WDFY3: variants seen among roughly 807,000 people sequenced by gnomAD.
WDFY3 encodes WD repeat and FYVE domain containing 3, also known as WD repeat and FYVE domain-containing protein 3.
A neutral mutation model predicts 409.6 loss-of-function variants in WDFY3; 66 were observed. The observed-to-expected ratio is 0.16, with a 90% CI of 0.13 to 0.20. The LOEUF is 0.20. WDFY3 is among the 10% of genes least tolerant of loss of function. The pLI is 1.00. For synonymous variants in WDFY3, 1,521 were observed against 1,537.1 expected (o/e 0.99, Z 0.25); for missense variants, 3,031 against 4,298.1 (o/e 0.71, Z 8.24).
chr4:84,901,398 A>G (rs1766323341), intron 2 of WDFY3, among the ~76,000 whole-genome samples: 1 of 151,962 alleles, frequency 6.6e-6, no homozygotes, highest in Non-Finnish European at 1.5e-5. Context: ...AGAAAGAGAG[A>G]CCTGAGTTAG....
rs1405382422 is a variant in WDFY3 at position 84,735,758 on chromosome 4, A to C, written c.6915+412T>G. Among the ~76,000 whole-genome samples, 3 of 152,220 alleles carry C rather than the reference A, an allele frequency of 2.0e-5. No homozygotes were observed. The East Asian group carries it at 5.8e-4, about 29-fold the overall frequency. ...CTGGGATGGTGAAGGAAGTAGGATG[A>C]GGAAGAAGTTAATGCTGGAGGCAGA... is the stretch of plus-strand genomic sequence containing the variant. On this transcript the variant is annotated intron_variant, in intron 42 of 67. Transcript: ENST00000295888.
At chr4:84,751,380 A>G (rs1740488894) in intron 36 of WDFY3, 103 bp downstream of exon 36, 5 of 1,215,616 alleles carry the variant, frequency 4.1e-6, no homozygotes, top group African/African-American at 1.5e-5. Flanking sequence ...CTACACATAA[A>G]CAAGAGGAAT....
At chr4:84,783,313 C>T (rs948390398) in intron 24 of WDFY3, among the ~76,000 whole-genome samples, 11 of 152,088 alleles carry the variant, frequency 7.2e-5, no homozygotes, top group African/African-American at 2.4e-4. Context: ...GGAAACATGG[C>T]GAGACCCCCA....
intron 56 of WDFY3, among the ~76,000 whole-genome samples, chr4:84,700,399 T>C (rs1730888640): frequency 6.6e-6 from 1 of 152,180 alleles, no homozygotes; most frequent in Non-Finnish European, 1.5e-5. Context: ...AGATGAGGTT[T>C]TGCCATGTTG....
chr4:84,966,610 T>C lies in WDFY3; in HGVS notation c.-627A>G, dbSNP rs1248359641. Among the ~76,000 whole-genome samples, 2 of 152,054 alleles carry C rather than the reference T, an allele frequency of 1.3e-5. No homozygotes were observed. The highest frequency in any genetic ancestry group is 2.0e-4 in the East Asian group (1 of 5,128). On this transcript the variant is annotated 5_prime_UTR_variant, in exon 1 of 68. Coordinates refer to ENST00000295888, the MANE Select transcript of WDFY3 (RefSeq NM_014991.6). ...GGGACCATCCCGGAAAGTGAGGGGTTGTTGCCGTTTCCCGCAGCTGTTGGT... is the reference window on the plus strand; with the variant it reads ...GGGACCATCCCGGAAAGTGAGGGGTCGTTGCCGTTTCCCGCAGCTGTTGGT...
intron 64 of WDFY3, among the ~76,000 whole-genome samples, chr4:84,681,973 T>C (rs1327542734): frequency 6.6e-6 from 1 of 152,240 alleles, no homozygotes; most frequent in Admixed American, 6.5e-5. Context: ...AACACAATTG[T>C]ATCTGTTGTC....
chr4:84,737,411 C>A, intron 40 of WDFY3, 45 bp from the exon 41 acceptor site: 1 of 1,510,074 alleles, frequency 6.6e-7, no homozygotes, highest in South Asian at 1.4e-5. Context: ...AGCAAATGAT[C>A]AAAACACAGT....
At chr4:84,944,352 C>T (rs775954139) in intron 1 of WDFY3, among the ~76,000 whole-genome samples, 14 of 151,340 alleles carry the variant, frequency 9.3e-5, no homozygotes, top group South Asian at 2.1e-4. Flanking sequence ...CCATTCTCTA[C>T]GAAAAAAATT....
intron 1 of WDFY3, chr4:84,965,560 A>G (rs1444813541): frequency 6.6e-6 from 1 of 152,250 alleles, no homozygotes; most frequent in African/African-American, 2.4e-5. Flanking sequence ...GAAAGGTCTC[A>G]TCTGCTTCTT....
At chr4:84,859,854 C>T (rs1371803833) in intron 4 of WDFY3, among the ~76,000 whole-genome samples, 3 of 152,118 alleles carry the variant, frequency 2.0e-5, no homozygotes, top group African/African-American at 7.2e-5. Context: ...GGATTACAGG[C>T]GTGAGCCACC....
At chr4:84,707,572 T>C (rs1732178247) in intron 53 of WDFY3, among the ~76,000 whole-genome samples, 1 of 152,196 alleles carries the variant, frequency 6.6e-6, no homozygotes, top group African/African-American at 2.4e-5. Flanking sequence ...GAAGGTTCAG[T>C]AATGGGACCT....
intron 46 of WDFY3, among the ~76,000 whole-genome samples, chr4:84,723,097 ACT>A (rs1171510553): frequency 6.6e-6 from 1 of 152,132 alleles, no homozygotes; most frequent in Non-Finnish European, 1.5e-5. Context: ...AATCTATCAA[ACT>A]CTGTGAATTA....
intron 14 of WDFY3, among the ~76,000 whole-genome samples, 184 bp from the exon 15 acceptor site, chr4:84,808,601 C>T (rs1043890393): frequency 5.9e-5 from 9 of 152,178 alleles, no homozygotes; most frequent in South Asian, 2.1e-4. Flanking sequence ...AGCATGCTCA[C>T]GGCAGATGCT....
intron 3 of WDFY3, among the ~76,000 whole-genome samples, chr4:84,869,716 T>C (rs1345261717): frequency 6.6e-6 from 1 of 151,674 alleles, no homozygotes; most frequent in Non-Finnish European, 1.5e-5. Context: ...AGGCAAAAAA[T>C]ATTTGCAGCC....
chr4:84,915,015 C>T (rs1387958272), intron 2 of WDFY3, among the ~76,000 whole-genome samples: 2 of 152,132 alleles, frequency 1.3e-5, no homozygotes, highest in Non-Finnish European at 2.9e-5. Context: ...AATTCTGATA[C>T]ACGCAACAAC....
At chr4:84,712,450 G>A (rs1461311588) in intron 51 of WDFY3, among the ~76,000 whole-genome samples, 2 of 150,326 alleles carry the variant, frequency 1.3e-5, no homozygotes, top group Admixed American at 6.6e-5. Flanking sequence ...GCCAGGCACA[G>A]TGGCTCACGC....
intron 3 of WDFY3, among the ~76,000 whole-genome samples, chr4:84,883,117 T>C (rs190214127): frequency 5.7e-4 from 86 of 152,098 alleles, no homozygotes; most frequent in African/African-American, 1.3e-3. Flanking sequence ...AGTGGAGGGG[T>C]AGACGAAAAG....
intron 32 of WDFY3, among the ~76,000 whole-genome samples, chr4:84,764,547 A>G (rs2149382176): frequency 6.6e-6 from 1 of 152,250 alleles, no homozygotes; most frequent in Non-Finnish European, 1.5e-5. Flanking sequence ...ATAACAATAC[A>G]ATAGTACTAT....
intron 3 of WDFY3, among the ~76,000 whole-genome samples, chr4:84,872,501 G>T (rs759029877): frequency 4.6e-5 from 7 of 151,354 alleles, no homozygotes; most frequent in Non-Finnish European, 1.0e-4. Flanking sequence ...TAAGATAGGA[G>T]ATTAAAAGAA....
Sources: gnomAD v4.1 joint callset for allele counts (sites outside exome capture counted in the v4.1 genomes callset) on GRCh38, gnomAD v4.1.1 for gene constraint, MANE v1.5 for transcripts, NCBI Gene and HGNC (gene_info 2026-07-23, HGNC 2026-07-21) for gene names.